Variants in SNRPE observed in about 807,000 individuals in gnomAD.
The protein encoded by SNRPE is small nuclear ribonucleoprotein polypeptide E, also known as small nuclear ribonucleoprotein E.
For synonymous variants in SNRPE, 35 were observed against 36.7 expected (o/e 0.95, Z 0.17); for missense variants, 53 against 111.6 (o/e 0.48, Z 2.36).
chr1:203,861,803 G>T (rs41300861), intron 1 of SNRPE, 90 bp downstream of exon 1: 4 of 978,068 alleles, frequency 4.1e-6, no homozygotes, highest in Admixed American at 3.5e-5. Flanking sequence ...GGATAGTGGA[G>T]TACGGATCCA....
intron 3 of SNRPE, among the ~76,000 whole-genome samples, chr1:203,864,146 G>T (rs1037767553): frequency 6.6e-6 from 1 of 151,964 alleles, no homozygotes; most frequent in Admixed American, 6.6e-5. Flanking sequence ...TAGAGATGAG[G>T]TCTCACTGTG....
chr1:203,862,919 T>A (rs1375393837), intron 2 of SNRPE, among the ~76,000 whole-genome samples: 2 of 152,164 alleles, frequency 1.3e-5, no homozygotes, highest in Non-Finnish European at 2.9e-5. Flanking sequence ...TGTGCTATGC[T>A]GTCAAAAACT....
intron 4 of SNRPE, among the ~76,000 whole-genome samples, chr1:203,869,340 CT>C (rs1387383121): frequency 1.8e-4 from 15 of 84,662 alleles, no homozygotes; most frequent in Middle Eastern, 0.021. Context: ...GAATTTTGCT[CT>C]TGTTGCCCAG....
chr1:203,869,601 G>A (rs568807312), intron 4 of SNRPE, among the ~76,000 whole-genome samples: 17 of 152,224 alleles, frequency 1.1e-4, no homozygotes, highest in Middle Eastern at 3.4e-3. Context: ...TACAAATTCA[G>A]CATTGGGAAA....
chr1:203,863,938 GTCTA>G (rs1473362755), intron 3 of SNRPE, among the ~76,000 whole-genome samples: 1 of 117,820 alleles, frequency 8.5e-6, no homozygotes, highest in Non-Finnish European at 1.9e-5. Flanking sequence ...TCTTTCCTCT[GTCTA>G]TGTTGAGAAG....
chr1:203,861,959 C>T lies in SNRPE; in HGVS notation c.55-237C>T, dbSNP rs1689986843. The T allele has an allele frequency of 1.8e-5, 11 of 608,592 alleles. No individual in the cohort carries two copies. The East Asian group carries it at 2.8e-4, about 15-fold the overall frequency. 37.7% of individuals were successfully genotyped at this position (608,592 alleles called of 1,614,324 possible). A position where few individuals can be genotyped will look rare whatever the true frequency, so the allele number is the denominator to read the frequency against. Reference sequence around the variant, plus strand: ...AAAGGAGGGAAGAGAACTTCAGGTGCGGAGTGAAAACGGGAGTTAACGGTT... The same window carrying T: ...AAAGGAGGGAAGAGAACTTCAGGTGTGGAGTGAAAACGGGAGTTAACGGTT... On this transcript the variant is annotated intron_variant, in intron 1 of 4. Coordinates refer to ENST00000414487, the MANE Select transcript of SNRPE (RefSeq NM_003094.4).
intron 3 of SNRPE, 59 bp downstream of exon 3, chr1:203,863,784 A>G (rs1690029105): frequency 5.1e-6 from 6 of 1,174,038 alleles, no homozygotes; most frequent in Non-Finnish European, 7.7e-6. Flanking sequence ...GACTTAACAG[A>G]AAGTGTCTAG....
At chr1:203,861,873 A>G (rs749977267) in intron 1 of SNRPE, 160 bp downstream of exon 1, 11 of 682,408 alleles carry the variant, frequency 1.6e-5, no homozygotes, top group East Asian at 1.1e-4. Context: ...TTGAACCGTG[A>G]TGGTGGGGAG....
chr1:203,863,653 A>C lies in SNRPE; in HGVS notation c.82-10A>C, dbSNP rs1031969043. On this transcript the variant is annotated splice_polypyrimidine_tract_variant and intron_variant, in intron 2 of 4. Transcript: ENST00000414487. ...TTTTTTTAACGTTTCCACTTTTATGATTATTTCAGAGATCGCGGATTCAGG... is the reference window on the plus strand; with the variant it reads ...TTTTTTTAACGTTTCCACTTTTATGCTTATTTCAGAGATCGCGGATTCAGG... 1 of 1,606,604 alleles carries C rather than the reference A, an allele frequency of 6.2e-7. No homozygotes were observed. Among genetic ancestry groups the C allele is most frequent in the African/African-American group, 1.3e-5 (1 of 74,660 alleles).
rs543867553 is a variant in SNRPE, at chr1:203,867,603, G to A, written c.224-2274G>A. ...GCGCAACCTAGATCCCTCTTTGCCC[G>A]GTTCACAATAGGTTTTGCGCTCCTA... is the stretch of plus-strand genomic sequence containing the variant. On this transcript the variant is annotated intron_variant, in intron 4 of 4. Transcript: ENST00000414487. Among the ~76,000 whole-genome samples, 14 of 152,178 alleles carry A rather than the reference G, an allele frequency of 9.2e-5. No individual in the cohort carries two copies. The South Asian group carries it at 1.0e-3, about 11-fold the overall frequency.
intron 3 of SNRPE, among the ~76,000 whole-genome samples, chr1:203,864,121 A>C: frequency 6.6e-6 from 1 of 151,942 alleles, no homozygotes; most frequent in Non-Finnish European, 1.5e-5. Flanking sequence ...CAGCCTGCTA[A>C]ATTTTTATTT....
At chr1:203,867,556 G>A (rs1052182522) in intron 4 of SNRPE, among the ~76,000 whole-genome samples, 3 of 152,126 alleles carry the variant, frequency 2.0e-5, no homozygotes, top group African/African-American at 7.2e-5. Flanking sequence ...AGATCATCAG[G>A]CATTAGGTTC....
intron 1 of SNRPE, chr1:203,861,942 G>A: frequency 1.6e-6 from 1 of 613,476 alleles, no homozygotes; most frequent in East Asian, 2.7e-5. Flanking sequence ...CAAAAGGAGG[G>A]AAGAGAACTT....
chr1:203,861,919 G>A, intron 1 of SNRPE: 1 of 618,728 alleles, frequency 1.6e-6, no homozygotes, highest in East Asian at 2.7e-5. Context: ...GGGGAATGCA[G>A]GAATGGACGC....
At chr1:203,864,239 C>G (rs1174389070) in intron 3 of SNRPE, among the ~76,000 whole-genome samples, 1 of 151,976 alleles carries the variant, frequency 6.6e-6, no homozygotes, top group Admixed American at 6.6e-5. Flanking sequence ...CAGGCATGAG[C>G]CACAACGCCT....
chr1:203,862,255 TAA>T, intron 2 of SNRPE, 33 bp downstream of exon 2: 1 of 1,500,632 alleles, frequency 6.7e-7, no homozygotes, highest in Non-Finnish European at 9.3e-7. Flanking sequence ...AACTACTTTT[TAA>T]ATAAGAGGTG....
At position 203,863,466 on chromosome 1, in the gene SNRPE, C is replaced by T. The variant is rs556811087; in HGVS notation, c.82-197C>T. On this transcript the variant is annotated intron_variant, in intron 2 of 4. Coordinates refer to ENST00000414487, the MANE Select transcript of SNRPE (RefSeq NM_003094.4). ...CCGAGTAGCTGGGACTACAGGCGTG[C>T]GCCACCACGCCCAGCTAATTTTTTT... is the stretch of plus-strand genomic sequence containing the variant. Among the ~76,000 whole-genome samples the T allele has an allele frequency of 2.0e-5, 3 of 152,128 alleles. No individual in the cohort carries two copies. In the South Asian group the frequency reaches 6.2e-4, roughly 32 times the overall value.
At chr1:203,862,025 T>G in intron 1 of SNRPE, 171 bp from the exon 2 acceptor site, 1 of 635,500 alleles carries the variant, frequency 1.6e-6, no homozygotes, top group African/African-American at 1.8e-5. Context: ...TGGATGTTCT[T>G]TAGTCTTTAG....
At position 203,865,203 on chromosome 1, in the gene SNRPE, T is replaced by A. The variant is rs1690062802; in HGVS notation, c.223+84T>A. 3 of 1,254,668 alleles carry A rather than the reference T, an allele frequency of 2.4e-6. No homozygotes were observed. The Admixed American group carries it at 5.9e-5, about 25-fold the overall frequency. 77.7% of individuals were successfully genotyped at this position (1,254,668 alleles called of 1,614,324 possible). A position where few individuals can be genotyped will look rare whatever the true frequency, so the allele number is the denominator to read the frequency against. On this transcript the variant is annotated intron_variant, in intron 4 of 4. Coordinates refer to ENST00000414487, the MANE Select transcript of SNRPE (RefSeq NM_003094.4). ...AGTGACCTGCAACTCAGTTCATGTTTGAATTTATTTTGCATTTGAGAAGTT... is the reference window on the plus strand; with the variant it reads ...AGTGACCTGCAACTCAGTTCATGTTAGAATTTATTTTGCATTTGAGAAGTT...
Sources: allele counts gnomAD v4.1 joint callset (sites outside exome capture counted in the v4.1 genomes callset), GRCh38; gene constraint gnomAD v4.1.1; transcripts MANE v1.5; gene names NCBI Gene and HGNC (gene_info 2026-07-23, HGNC 2026-07-21).